RNLS: variants seen among roughly 807,000 people sequenced by gnomAD.
RNLS encodes renalase, FAD dependent amine oxidase, also known as renalase.
Under a neutral mutation model 39.8 loss-of-function variants are expected in RNLS, and 39 were observed. The ratio of observed to expected loss-of-function variants is 0.98; its 90% CI spans 0.76 to 1.28. The LOEUF (loss-of-function observed/expected upper bound fraction) is 1.28, where lower values mean the gene tolerates loss of function less well. Ranked by LOEUF, RNLS falls within the 50% of genes most tolerant of loss-of-function variation. The probability of loss-of-function intolerance (pLI) is 0.00; values close to 1 mark genes in which losing one functional copy is unlikely to be tolerated. For missense variants in RNLS, 410 were observed against 413.3 expected (o/e 0.99, Z 0.07); for synonymous variants, 147 against 150.7 (o/e 0.98, Z 0.18).
chr10:88,368,214 A>G (rs1428812969), intron 4 of RNLS, among the ~76,000 whole-genome samples: 1 of 152,088 alleles, frequency 6.6e-6, no homozygotes, highest in Non-Finnish European at 1.5e-5. Context: ...TGTGAGGGAA[A>G]GAGACCAAAT....
chr10:88,388,526 C>T (rs932648766), intron 4 of RNLS, among the ~76,000 whole-genome samples: 4 of 152,116 alleles, frequency 2.6e-5, no homozygotes, highest in East Asian at 1.9e-4. Context: ...GTTATCAGAA[C>T]ACAGCACAGT....
rs1416623388 is a variant in RNLS, at chr10:88,582,256, T to G, written c.170A>C (p.Asp57Ala). The G allele has an allele frequency of 6.2e-7, 1 of 1,614,124 alleles. No homozygotes were observed. The highest frequency in any genetic ancestry group is 8.5e-7 in the Non-Finnish European group (1 of 1,180,002). The change falls in exon 2 of 7, where the codon GAC (aspartate) becomes GCC (alanine). Residue 57 changes from aspartate to alanine, a missense_variant. By Grantham distance (126) the Asp-to-Ala change is moderately radical. Transcript: ENST00000331772. ...CSPHNPQCTA[D>A]LGAQYITCTP... is the part of the protein sequence containing the mutation. ...GCAGGTGATGTACTGAGCACCCAAG[T>G]CAGCTGTGCACTGAGGATTATGAGG...
At chr10:88,209,462 G>A in the RNLS span, among the ~76,000 whole-genome samples, 1 of 152,150 alleles carries the variant, frequency 6.6e-6, no homozygotes, top group East Asian at 1.9e-4. Context: ...GTCAAGCATT[G>A]CTGGCAACCA....
the RNLS span, among the ~76,000 whole-genome samples, chr10:88,214,430 T>C: frequency 1.3e-5 from 2 of 150,718 alleles, no homozygotes; most frequent in African/African-American, 4.9e-5. Context: ...TGTAAATTCA[T>C]TTAAAACTCA....
intron 4 of RNLS, among the ~76,000 whole-genome samples, chr10:88,380,066 T>C (rs894478432): frequency 6.6e-6 from 1 of 152,216 alleles, no homozygotes; most frequent in African/African-American, 2.4e-5. Flanking sequence ...GATTGTTTTA[T>C]GTCACTAAAG....
intron 6 of RNLS, among the ~76,000 whole-genome samples, chr10:88,289,025 T>G (rs1432903791): frequency 1.3e-5 from 2 of 152,150 alleles, no homozygotes; most frequent in African/African-American, 4.8e-5. Flanking sequence ...AACAACCCCT[T>G]GCAAATCCAG....
chr10:88,527,202 C>G (rs1171826038), intron 4 of RNLS, among the ~76,000 whole-genome samples: 1 of 152,108 alleles, frequency 6.6e-6, no homozygotes, highest in African/African-American at 2.4e-5. Context: ...TCTCGCCTCC[C>G]CAGCTTCATT....
At position 88,438,988 on chromosome 10, in the gene RNLS, G is replaced by A. The variant is rs113080532; in HGVS notation, c.527-76263C>T. Among the ~76,000 whole-genome samples, 389 of 152,250 alleles carry A rather than the reference G, an allele frequency of 2.6e-3. 2 individuals carry two copies. The highest frequency in any genetic ancestry group is 8.5e-3 in the African/African-American group (352 of 41,516). ...ACCGGGGGCGGGTGGGAGTGGGGGC[G>A]CCTTAGTTGCAGCACCAACAGGCAA... is the stretch of plus-strand genomic sequence containing the variant. On this transcript the variant is annotated intron_variant, in intron 4 of 6. Transcript: ENST00000331772.
At chr10:88,253,679 A>G in the RNLS span, among the ~76,000 whole-genome samples, 1 of 152,160 alleles carries the variant, frequency 6.6e-6, no homozygotes, top group Non-Finnish European at 1.5e-5. Flanking sequence ...GTGAAAATGG[A>G]GTCTTCTGAA....
At chr10:88,317,195 A>G (rs1297577015) in intron 5 of RNLS, among the ~76,000 whole-genome samples, 4 of 152,252 alleles carry the variant, frequency 2.6e-5, no homozygotes, top group African/African-American at 9.6e-5. Flanking sequence ...CTATAGAGTC[A>G]GAAGATAAGT....
At chr10:88,370,837 C>T (rs1480971821) in intron 4 of RNLS, among the ~76,000 whole-genome samples, 1 of 152,096 alleles carries the variant, frequency 6.6e-6, no homozygotes, top group Non-Finnish European at 1.5e-5. Flanking sequence ...CCTATAAAAG[C>T]ACGGAATCAG....
intron 4 of RNLS, among the ~76,000 whole-genome samples, chr10:88,451,877 C>T (rs1842378153): frequency 6.6e-6 from 1 of 152,138 alleles, no homozygotes; most frequent in African/African-American, 2.4e-5. Flanking sequence ...AGGTTGACAC[C>T]ATGGCAACTA....
chr10:88,415,653 A>G (rs1012334692), intron 4 of RNLS, among the ~76,000 whole-genome samples: 2 of 152,212 alleles, frequency 1.3e-5, no homozygotes, highest in Admixed American at 6.5e-5. Context: ...TGGTGCTAAT[A>G]ATAGTCCCGT....
chr10:88,305,239 A>T (rs1285933633), intron 6 of RNLS, among the ~76,000 whole-genome samples: 1 of 152,240 alleles, frequency 6.6e-6, no homozygotes, highest in Non-Finnish European at 1.5e-5. Flanking sequence ...GTTACCAGCC[A>T]TTACAAAAAC....
At chr10:88,297,954 G>A (rs1844209740) in intron 6 of RNLS, among the ~76,000 whole-genome samples, 1 of 152,168 alleles carries the variant, frequency 6.6e-6, no homozygotes, top group African/African-American at 2.4e-5. Context: ...CACTAGCAAA[G>A]TACAAGTGTT....
chr10:88,458,066 C>T (rs1016611903), intron 4 of RNLS, among the ~76,000 whole-genome samples: 6 of 152,212 alleles, frequency 3.9e-5, no homozygotes, highest in African/African-American at 1.4e-4. Flanking sequence ...TGATTCCTCA[C>T]CCAAATTATT....
intron 4 of RNLS, among the ~76,000 whole-genome samples, chr10:88,440,333 A>G (rs895343303): frequency 6.6e-6 from 1 of 152,190 alleles, no homozygotes; most frequent in Non-Finnish European, 1.5e-5. Flanking sequence ...TACTCCTCCA[A>G]TCAAAGCACT....
the RNLS span, among the ~76,000 whole-genome samples, chr10:88,175,435 T>G: frequency 1.6e-4 from 24 of 152,128 alleles, no homozygotes; most frequent in Non-Finnish European, 3.1e-4. Context: ...GGTTTTGGTG[T>G]GTTATGTTTC....
intron 4 of RNLS, among the ~76,000 whole-genome samples, chr10:88,560,807 C>T (rs887232839): frequency 2.6e-5 from 4 of 152,038 alleles, no homozygotes; most frequent in African/African-American, 9.7e-5. Context: ...AAACACACCA[C>T]ACATATGGTC....
Sources: gnomAD v4.1 joint callset for allele counts (sites outside exome capture counted in the v4.1 genomes callset) on GRCh38, gnomAD v4.1.1 for gene constraint, MANE v1.5 for transcripts, NCBI Gene and HGNC (gene_info 2026-07-23, HGNC 2026-07-21) for gene names.